XKR6: variants seen among roughly 807,000 people sequenced by gnomAD.
The protein encoded by XKR6 is XK related 6, also known as XK-related protein 6.
In XKR6, 22 loss-of-function variants were observed where a neutral mutation model predicts 56.7. The ratio of observed to expected loss-of-function variants is 0.39; its 90% CI spans 0.28 to 0.55. The LOEUF is 0.55. Among genes scored for constraint, XKR6 ranks in the 20% least tolerant of loss-of-function variants. The pLI, the probability that XKR6 is intolerant of heterozygous loss-of-function variation, is 0.66. For synonymous variants in XKR6, 524 were observed against 387.8 expected, an observed-to-expected ratio of 1.35 and a Z score of -4.13; for missense variants, 852 against 889.0, an observed-to-expected ratio of 0.96 and a Z score of 0.53.
In XKR6 at chr8:11,072,683, C is replaced by T. The variant is rs564838226; in HGVS notation, c.764+127893G>A. On this transcript the variant is annotated intron_variant, in intron 1 of 2. Transcript: ENST00000416569. ...CAACACATGGGTCAGGGTGGGGGTA[C>T]ACTGGTGGTCAGAGGGCAAAACAGG... Among the ~76,000 whole-genome samples the T allele has an allele frequency of 2.0e-5, 3 of 152,318 alleles. No individual in the cohort carries two copies. The South Asian group carries it at 6.2e-4, about 32-fold the overall frequency.
chr8:11,098,302 C>A (rs537629067), intron 1 of XKR6, among the ~76,000 whole-genome samples: 7 of 152,082 alleles, frequency 4.6e-5, no homozygotes, highest in Non-Finnish European at 1.0e-4. Context: ...CACACACACA[C>A]AAAGTTTGAG....
intron 1 of XKR6, among the ~76,000 whole-genome samples, chr8:11,116,666 A>G (rs1265057086): frequency 6.6e-6 from 1 of 152,088 alleles, no homozygotes; most frequent in Non-Finnish European, 1.5e-5. Flanking sequence ...CCACTACACC[A>G]GGCCTATTTG....
chr8:11,160,906 C>T lies in XKR6; in HGVS notation c.764+39670G>A, dbSNP rs1350850517. 5.7e-4 allele frequency among the ~76,000 whole-genome samples: 55 copies of T among 97,342 alleles called. No homozygotes were observed. In the East Asian group the frequency reaches 6.6e-3, roughly 12 times the overall value. 63.9% of individuals were successfully genotyped at this position (97,342 alleles called of 152,430 possible). On this transcript the variant is annotated intron_variant, in intron 1 of 2. Transcript: ENST00000416569. ...CAGCCTGGGCAACAGAACGAGACTC[C>T]GTCTCAAAAAAAAAAAAAAAAAAAA...
chr8:10,998,899 G>A (rs1192718501), intron 1 of XKR6, among the ~76,000 whole-genome samples: 1 of 152,192 alleles, frequency 6.6e-6, no homozygotes, highest in Non-Finnish European at 1.5e-5. Context: ...TACCCAGGAT[G>A]GAATCCTGAA....
At chr8:11,009,132 G>C (rs1481474949) in intron 1 of XKR6, among the ~76,000 whole-genome samples, 3 of 152,110 alleles carry the variant, frequency 2.0e-5, no homozygotes, top group Non-Finnish European at 4.4e-5. Flanking sequence ...TTGATCTTTA[G>C]CTAATCATTC....
intron 1 of XKR6, among the ~76,000 whole-genome samples, chr8:10,967,185 G>C (rs1802252180): frequency 6.6e-6 from 1 of 152,206 alleles, no homozygotes; most frequent in Non-Finnish European, 1.5e-5. Flanking sequence ...CAATCTATGA[G>C]AAAAGCATTC....
At chr8:11,142,396 G>A (rs1049316891) in intron 1 of XKR6, among the ~76,000 whole-genome samples, 1 of 152,134 alleles carries the variant, frequency 6.6e-6, no homozygotes, top group Admixed American at 6.5e-5. Flanking sequence ...GCTCCCTTTG[G>A]CCAACTGATA....
chr8:11,090,205 C>A (rs772757717), intron 1 of XKR6, among the ~76,000 whole-genome samples: 1 of 152,190 alleles, frequency 6.6e-6, no homozygotes, highest in Non-Finnish European at 1.5e-5. Context: ...CCACCTCGGC[C>A]TCTCACGTAG....
chr8:11,028,066 T>C (rs1461970069), intron 1 of XKR6, among the ~76,000 whole-genome samples: 1 of 152,068 alleles, frequency 6.6e-6, no homozygotes, highest in Non-Finnish European at 1.5e-5. Context: ...CATTACATTA[T>C]TAACATACAG....
At position 10,949,904 on chromosome 8, in the gene XKR6, G is replaced by A. The variant is rs115599497; in HGVS notation, c.765-25074C>T. On this transcript the variant is annotated intron_variant, in intron 1 of 2. Coordinates refer to ENST00000416569, the MANE Select transcript of XKR6 (RefSeq NM_173683.4). ...AGGCCAGGAGTCCCTTTCCCAGCCC[G>A]GCCTGTCTTGACTCAGGGGTCTGCA... Among the ~76,000 whole-genome samples, 763 of 152,204 alleles carry A rather than the reference G, an allele frequency of 5.0e-3. 5 individuals are homozygous for A. Among genetic ancestry groups the A allele is most frequent in the African/African-American group, 0.017 (725 of 41,528 alleles).
At chr8:11,104,590 A>G (rs1160049448) in intron 1 of XKR6, 2 of 151,996 alleles carry the variant, frequency 1.3e-5, no homozygotes, top group African/African-American at 2.4e-5. Context: ...ACAATTAATA[A>G]AAGTAGTTAA....
rs571974087 is a variant in XKR6, at chr8:11,057,659, C to T, written c.765-132829G>A. Among the ~76,000 whole-genome samples, 118 of 152,324 alleles carry T rather than the reference C, an allele frequency of 7.7e-4. 1 individual carries two copies. In the South Asian group the frequency reaches 0.013, roughly 17 times the overall value. ...GGGTGGAATGAAGGAAGGACCCAGG[C>T]TCCATTGGCGACTGTGTCCAAGCTT... On this transcript the variant is annotated intron_variant, in intron 1 of 2. Coordinates refer to ENST00000416569, the MANE Select transcript of XKR6 (RefSeq NM_173683.4).
intron 1 of XKR6, among the ~76,000 whole-genome samples, chr8:10,967,697 C>T (rs1473951273): frequency 3.3e-5 from 5 of 152,176 alleles, no homozygotes; most frequent in Non-Finnish European, 7.4e-5. Flanking sequence ...AGCAACTTGC[C>T]GGTGCCAGCC....
At chr8:10,917,144 C>A (rs574942752) in intron 2 of XKR6, among the ~76,000 whole-genome samples, 9 of 151,976 alleles carry the variant, frequency 5.9e-5, no homozygotes, top group Non-Finnish European at 8.8e-5. Flanking sequence ...AGCAGGGAAC[C>A]CTCTGGGAGA....
intron 1 of XKR6, among the ~76,000 whole-genome samples, chr8:10,988,442 C>T (rs10216517): frequency 0.012 from 1,844 of 152,306 alleles, 27 homozygotes; most frequent in African/African-American, 0.042. Context: ...AAATCCCTGG[C>T]GTGCCTTACA....
chr8:10,925,711 A>C (rs972864379), intron 1 of XKR6, among the ~76,000 whole-genome samples: 1 of 152,186 alleles, frequency 6.6e-6, no homozygotes, highest in Non-Finnish European at 1.5e-5. Flanking sequence ...CTCATCTTTC[A>C]TATGGGGACA....
chr8:11,048,259 C>A (rs953614086), intron 1 of XKR6, among the ~76,000 whole-genome samples: 1 of 152,128 alleles, frequency 6.6e-6, no homozygotes, highest in Admixed American at 6.5e-5. Context: ...GAATCCGGCC[C>A]TTGTTTCTCA....
At position 10,999,826 on chromosome 8, in the gene XKR6, T is replaced by G. The variant is rs116547848; in HGVS notation, c.765-74996A>C. 6.8e-3 allele frequency among the ~76,000 whole-genome samples: 1,043 copies of G among 152,274 alleles called. 12 individuals carry two copies. Among genetic ancestry groups the G allele is most frequent in the African/African-American group, 0.024 (991 of 41,556 alleles). ...GCATGAGATGCTCAGCTCCAGGCCA[T>G]GATGCAAATCATGGGGCAGGGTCAA... is the stretch of plus-strand genomic sequence containing the variant. On this transcript the variant is annotated intron_variant, in intron 1 of 2. Transcript: ENST00000416569.
chr8:11,092,160 C>T (rs1798093418), intron 1 of XKR6, among the ~76,000 whole-genome samples: 1 of 152,138 alleles, frequency 6.6e-6, no homozygotes, highest in African/African-American at 2.4e-5. Flanking sequence ...TGACCTCATG[C>T]CAAACTTAAA....
Sources: allele counts gnomAD v4.1 joint callset (sites outside exome capture counted in the v4.1 genomes callset), GRCh38; gene constraint gnomAD v4.1.1; transcripts MANE v1.5; gene names NCBI Gene and HGNC (gene_info 2026-07-23, HGNC 2026-07-21).